DNA2: variants seen among roughly 807,000 people sequenced by gnomAD.
The protein encoded by DNA2 is DNA replication ATP-dependent helicase/nuclease DNA2.
Under a neutral mutation model 119.1 loss-of-function variants are expected in DNA2, and 101 were observed. That is an observed-to-expected ratio of 0.85 (90% CI 0.72 to 1.00). The LOEUF is 1.00. Ranked by LOEUF, DNA2 falls within the 50% of genes least tolerant of loss-of-function variation. The pLI, the probability that DNA2 is intolerant of heterozygous loss-of-function variation, is 0.00. For missense variants in DNA2, 1,121 were observed against 1,255.5 expected (o/e 0.89, Z 1.62); for synonymous variants, 366 against 424.4 (o/e 0.86, Z 1.69).
chr10:68,461,273 A>T (rs946881954), intron 4 of DNA2: 20 of 152,352 alleles, frequency 1.3e-4, no homozygotes, highest in African/African-American at 4.3e-4. Context: ...TTTTCCTTTC[A>T]TAAGAGTACA....
intron 5 of DNA2, among the ~76,000 whole-genome samples, chr10:68,455,464 GC>G (rs1336627833): frequency 1.3e-5 from 2 of 152,038 alleles, no homozygotes; most frequent in Admixed American, 1.3e-4. Context: ...ATTCACTCTA[GC>G]TTTTTTCTTA....
At chr10:68,466,182 G>A (rs143653972) in intron 3 of DNA2, among the ~76,000 whole-genome samples, 19 of 151,970 alleles carry the variant, frequency 1.3e-4, no homozygotes, top group Middle Eastern at 3.4e-3. Context: ...TATCATGCCC[G>A]GCTAACTTTT....
intron 5 of DNA2, among the ~76,000 whole-genome samples, chr10:68,452,064 T>C (rs2052126100): frequency 6.6e-6 from 1 of 152,154 alleles, no homozygotes; most frequent in Non-Finnish European, 1.5e-5. Flanking sequence ...AGAGAAGCCA[T>C]AATTTATCTA....
intron 5 of DNA2, among the ~76,000 whole-genome samples, chr10:68,456,362 G>A (rs980263227): frequency 3.2e-4 from 49 of 152,296 alleles, no homozygotes; most frequent in African/African-American, 1.2e-3. Flanking sequence ...TCGAACCACA[G>A]GGAATAGGTC....
chr10:68,424,720 A>T, intron 14 of DNA2: 1 of 1,593,218 alleles, frequency 6.3e-7, no homozygotes, highest in East Asian at 2.2e-5. Context: ...AAGGACGACG[A>T]GGTCCAGGTA....
intron 14 of DNA2, 115 bp from the exon 15 acceptor site, chr10:68,423,005 C>T (rs1028935936): frequency 7.4e-6 from 5 of 676,554 alleles, no homozygotes; most frequent in African/African-American, 7.3e-5. Context: ...ATCAGGAATC[C>T]TTCGATATTA....
chr10:68,472,386 T>C (rs916539866), upstream of DNA2, among the ~76,000 whole-genome samples: 4 of 152,224 alleles, frequency 2.6e-5, no homozygotes, highest in South Asian at 2.1e-4. Flanking sequence ...AGAAAACTTA[T>C]TGAGAAAATA....
intron 10 of DNA2, among the ~76,000 whole-genome samples, chr10:68,435,949 G>GT (rs1391345226): frequency 6.6e-6 from 1 of 152,208 alleles, no homozygotes; most frequent in African/African-American, 2.4e-5. Flanking sequence ...ACATGTGGTT[G>GT]TAAGAATTAG....
At chr10:68,429,333 T>A (rs554355233) in intron 14 of DNA2, among the ~76,000 whole-genome samples, 6 of 150,890 alleles carry the variant, frequency 4.0e-5, no homozygotes, top group Non-Finnish European at 7.4e-5. Context: ...TAACCTGAGG[T>A]TGGGAGTGCG....
chr10:68,470,211 A>G, intron 1 of DNA2, 48 bp from the exon 2 acceptor site: 1 of 1,478,854 alleles, frequency 6.8e-7, no homozygotes, highest in Non-Finnish European at 9.0e-7. Context: ...ATGAAATAAG[A>G]AGCCATCCAA....
rs1163184929 is a variant in DNA2 at position 68,465,303 on chromosome 10, C to T, written c.587+364G>A. On this transcript the variant is annotated intron_variant, in intron 4 of 20. Coordinates refer to ENST00000358410, the MANE Select transcript of DNA2 (RefSeq NM_001080449.3). ...AAGTGCTGGGATTACAGGCGTGAGCCACCGCACCTGGCCGTAAAGATGCAC... is the reference window on the plus strand; with the variant it reads ...AAGTGCTGGGATTACAGGCGTGAGCTACCGCACCTGGCCGTAAAGATGCAC... 2.0e-5 allele frequency among the ~76,000 whole-genome samples: 3 copies of T among 152,110 alleles called. No individual in the cohort carries two copies. In the East Asian group the frequency reaches 5.8e-4, roughly 29 times the overall value.
intron 4 of DNA2, among the ~76,000 whole-genome samples, chr10:68,464,698 G>A (rs990592923): frequency 1.4e-5 from 2 of 146,512 alleles, no homozygotes; most frequent in Admixed American, 6.8e-5. Flanking sequence ...GCGTGGTGGT[G>A]CATGCCTGTA....
At chr10:68,460,823 A>T (rs2133435604) in intron 4 of DNA2, among the ~76,000 whole-genome samples, 1 of 151,992 alleles carries the variant, frequency 6.6e-6, no homozygotes, top group East Asian at 1.9e-4. Context: ...AAGCGGAAGG[A>T]TCGTTTCAGC....
intron 5 of DNA2, among the ~76,000 whole-genome samples, chr10:68,454,877 G>C (rs909791439): frequency 6.6e-6 from 1 of 151,724 alleles, no homozygotes; most frequent in South Asian, 2.1e-4. Flanking sequence ...GGGAAAAAAG[G>C]AGGGAGGAGG....
chr10:68,418,180 A>C (rs2051616342), intron 19 of DNA2, among the ~76,000 whole-genome samples: 1 of 152,170 alleles, frequency 6.6e-6, no homozygotes, highest in Non-Finnish European at 1.5e-5. Context: ...TTGGGAGGCC[A>C]AGGCAGGTGG....
chr10:68,428,123 T>G (rs1238792096), intron 14 of DNA2, among the ~76,000 whole-genome samples: 2 of 151,164 alleles, frequency 1.3e-5, no homozygotes, highest in African/African-American at 4.9e-5. Flanking sequence ...GTCAGGAGAT[T>G]GAGACCATCC....
At chr10:68,462,430 T>G (rs1257956142) in intron 4 of DNA2, among the ~76,000 whole-genome samples, 1 of 152,202 alleles carries the variant, frequency 6.6e-6, no homozygotes, top group Non-Finnish European at 1.5e-5. Flanking sequence ...TAAACATGTT[T>G]TACTTTCTAG....
At chr10:68,417,154 G>A (rs1430642813) in intron 19 of DNA2, among the ~76,000 whole-genome samples, 2 of 151,670 alleles carry the variant, frequency 1.3e-5, no homozygotes, top group South Asian at 2.1e-4. Flanking sequence ...TGAGATGAAA[G>A]GATCACTGAG....
chr10:68,435,647 C>T (rs1009718221), intron 10 of DNA2, among the ~76,000 whole-genome samples: 7 of 149,978 alleles, frequency 4.7e-5, no homozygotes, highest in African/African-American at 9.8e-5. Context: ...TTAGTAGAGA[C>T]GGGGTTTCAT....
Sources: allele counts gnomAD v4.1 joint callset (sites outside exome capture counted in the v4.1 genomes callset), GRCh38; gene constraint gnomAD v4.1.1; transcripts MANE v1.5; gene names NCBI Gene and HGNC (gene_info 2026-07-23, HGNC 2026-07-21).